Variants in GHSR observed in about 807,000 individuals in gnomAD.
The protein encoded by GHSR is growth hormone secretagogue receptor.
GHSR carries 17 observed loss-of-function variants against 24.0 expected under a neutral mutation model. The ratio of observed to expected loss-of-function variants is 0.71; its 90% confidence interval spans 0.49 to 1.06. The LOEUF (loss-of-function observed/expected upper bound fraction) is 1.06. Ranked by LOEUF, GHSR falls within the 50% of genes least tolerant of loss-of-function variation. GHSR has a pLI of 0.00. For missense variants in GHSR, 504 were observed against 483.1 expected (o/e 1.04, Z -0.41); for synonymous variants, 238 against 208.1 (o/e 1.14, Z -1.24).
Position 172,447,962 on chromosome 3 carries a change from G to A in GHSR, c.452C>T (p.Ala151Val). 1 of 1,614,036 alleles carries A rather than the reference G, an allele frequency of 6.2e-7. No individual in the cohort carries two copies. Among genetic ancestry groups the A allele is most frequent in the Non-Finnish European group, 8.5e-7 (1 of 1,179,878 alleles). Reference protein sequence around the residue: ...RYFAICFPLRAKVVVTKGRVK... With the variant: ...RYFAICFPLRVKVVVTKGRVK... ...CCGCCCCTTGGTGACCACCACCTTG[G>A]CCCGGAGTGGGAAGCAGATGGCGAA... The change falls in exon 1 of 2, where the codon GCC (alanine) becomes GTC (valine). Residue 151 changes from alanine to valine, a missense_variant. Ala to Val is a moderately conservative substitution (Grantham distance 64, BLOSUM62 0). Transcript: ENST00000241256.
Position 172,444,450 on chromosome 3 carries a change from G to T in GHSR, c.*711C>A, listed in dbSNP as rs904753614. Among the ~76,000 whole-genome samples, 3 of 152,108 alleles carry T rather than the reference G, an allele frequency of 2.0e-5. No individual in the cohort carries two copies. Among genetic ancestry groups the T allele is most frequent in the Non-Finnish European group, 2.9e-5 (2 of 68,000 alleles). ...ACTTTAATTAATTTTAAGTTTAAAG[G>T]TTTACCGTTGTTTCAGTTACTGGAA... On this transcript the variant is annotated 3_prime_UTR_variant, in exon 2 of 2. Transcript: ENST00000241256.
At position 172,447,938 on chromosome 3, in the gene GHSR, C is replaced by T. The variant is rs1333010825; in HGVS notation, c.476G>A (p.Arg159Gln). 1 of 1,613,066 alleles carries T rather than the reference C, an allele frequency of 6.2e-7. No individual in the cohort carries two copies. Among genetic ancestry groups the T allele is most frequent in the South Asian group, 1.1e-5 (1 of 91,076 alleles). The part of the protein sequence containing the change: ...LRAKVVVTKG[R>Q]VKLVIFVIWA... ...GATGACGAAGATGACCAGCTTCACC[C>T]GCCCCTTGGTGACCACCACCTTGGC... Residue 159 changes from arginine (R) to glutamine (Q), a missense_variant, in exon 1 of 2, where the codon CGG becomes CAG. Transcript: ENST00000241256.
rs773832932 is a variant in GHSR, at chr3:172,448,007, G to C, written c.407C>G (p.Ala136Gly). ...CTYATVLTITALSVERYFAIC... is the reference protein window; with the variant it reads ...CTYATVLTITGLSVERYFAIC... Reference sequence around the variant, plus strand: ...GGCGAAGTAGCGCTCGACGCTCAGCGCTGTGATGGTGAGCACCGTGGCGTA... The same window carrying C: ...GGCGAAGTAGCGCTCGACGCTCAGCCCTGTGATGGTGAGCACCGTGGCGTA... The change falls in exon 1 of 2, where the codon GCG becomes GGG. Residue 136 changes from alanine (A) to glycine (G), a missense_variant. Ala to Gly is a moderately conservative substitution (Grantham distance 60). Transcript: ENST00000241256. The surrounding 1 kb of genome is among the most constrained non-coding windows in gnomAD (Gnocchi z 4.8). 2 of 1,614,242 alleles carry C rather than the reference G, an allele frequency of 1.2e-6. No homozygotes were observed. The highest frequency in any genetic ancestry group is 4.5e-5 in the East Asian group (2 of 44,882).
In GHSR at chr3:172,448,358, A is replaced by T. The variant is rs138443343; in HGVS notation, c.56T>A (p.Leu19Gln). The T allele has an allele frequency of 3.7e-6, 6 of 1,601,452 alleles. No individual in the cohort carries two copies. Among genetic ancestry groups the T allele is most frequent in the Non-Finnish European group, 5.1e-6 (6 of 1,179,770 alleles). ...GTTGCCGGGGGAAGCATCCCAGTCCAGGTCGGCCAGTGTGAGGTTGAACCC... is the reference window on the plus strand; with the variant it reads ...GTTGCCGGGGGAAGCATCCCAGTCCTGGTCGGCCAGTGTGAGGTTGAACCC... ...EPGFNLTLADLDWDASPGNDS... is the reference protein window; with the variant it reads ...EPGFNLTLADQDWDASPGNDS... Residue 19 changes from leucine to glutamine, a missense_variant, in exon 1 of 2, where the codon CTG becomes CAG. By Grantham distance (113) the Leu-to-Gln change is moderately radical. Transcript: ENST00000241256. This position sits in a 1 kb window ranked among gnomAD's most constrained non-coding sequence, Gnocchi z 4.8.
chr3:172,448,261 C>T lies in GHSR; in HGVS notation c.153G>A (p.Val51=), dbSNP rs112095561. The stretch of plus-strand genomic sequence containing the variant: ...CAGCGATGCCCACCACGAAGAGTGC[C>T]ACGCAGGTGGCTGTGACGCCCGCCA... The part of the protein sequence containing the change: ...PLLAGVTATC[V]ALFVVGIAGN... Residue 51 remains valine, a synonymous_variant, in exon 1 of 2, where the codon GTG becomes GTA. Coordinates refer to ENST00000241256, the MANE Select transcript of GHSR (RefSeq NM_198407.2). The surrounding 1 kb of genome is among the most constrained non-coding windows in gnomAD (Gnocchi z 4.8). 3.1e-6 allele frequency: 5 copies of T among 1,613,552 alleles called. No homozygotes were observed. The highest frequency in any genetic ancestry group is 4.5e-5 in the East Asian group (2 of 44,876).
In GHSR at chr3:172,447,951, C is replaced by G; in HGVS notation, c.463G>C (p.Val155Leu). The G allele has an allele frequency of 6.2e-7, 1 of 1,613,656 alleles. No individual in the cohort carries two copies. The highest frequency in any genetic ancestry group is 8.5e-7 in the Non-Finnish European group (1 of 1,179,566). The part of the protein sequence containing the change: ...ICFPLRAKVV[V>L]TKGRVKLVIF... ...ACCAGCTTCACCCGCCCCTTGGTGA[C>G]CACCACCTTGGCCCGGAGTGGGAAG... is the stretch of plus-strand genomic sequence containing the variant. The change falls in exon 1 of 2, where the codon GTC (valine) becomes CTC (leucine). Residue 155 changes from valine to leucine, a missense_variant. Transcript: ENST00000241256.
At position 172,447,675 on chromosome 3, in the gene GHSR, C is replaced by T. The variant is rs1737500768; in HGVS notation, c.739G>A (p.Ala247Thr). The T allele has an allele frequency of 6.2e-7, 1 of 1,614,120 alleles. No homozygotes were observed. The highest frequency in any genetic ancestry group is 8.5e-7 in the Non-Finnish European group (1 of 1,180,028). ...RKLWRRRRGD[A>T]VVGASLRDQN... ...TCCCTGAGCGAGGCACCCACGACAGCATCGCCGCGCCTCCTCCGCCACAGC... is the reference window on the plus strand; with the variant it reads ...TCCCTGAGCGAGGCACCCACGACAGTATCGCCGCGCCTCCTCCGCCACAGC... Residue 247 changes from alanine to threonine, a missense_variant, in exon 1 of 2, where the codon GCT (alanine) becomes ACT (threonine). Ala to Thr is a moderately conservative substitution (Grantham distance 58). Transcript: ENST00000241256.
At chr3:172,446,184 C>T (rs1737459051) in intron 1 of GHSR, among the ~76,000 whole-genome samples, 2 of 151,974 alleles carry the variant, frequency 1.3e-5, no homozygotes, top group Non-Finnish European at 2.9e-5. Flanking sequence ...ATTTTTTAGT[C>T]GTTGTAACAC....
chr3:172,448,372 G>A lies in GHSR; in HGVS notation c.42C>T (p.Leu14=). Residue 14 remains leucine (L), a synonymous_variant, in exon 1 of 2, where the codon CTC becomes CTT. Coordinates refer to ENST00000241256, the MANE Select transcript of GHSR (RefSeq NM_198407.2). The surrounding 1 kb of genome is among the most constrained non-coding windows in gnomAD (Gnocchi z 4.8). ...ATPSEEPGFN[L]TLADLDWDAS... is the part of the protein sequence containing the mutation. Reference sequence around the variant, plus strand: ...CATCCCAGTCCAGGTCGGCCAGTGTGAGGTTGAACCCCGGCTCTTCGCTGG... The same window carrying A: ...CATCCCAGTCCAGGTCGGCCAGTGTAAGGTTGAACCCCGGCTCTTCGCTGG... The A allele has an allele frequency of 6.2e-7, 1 of 1,600,142 alleles. No homozygotes were observed. The highest frequency in any genetic ancestry group is 1.3e-5 in the African/African-American group (1 of 75,054).
In GHSR at chr3:172,447,849, C is replaced by G. The variant is rs1446594078; in HGVS notation, c.565G>C (p.Gly189Arg). ...FVLVGVEHEN[G>R]TDPWDTNECR... ...TCGTTGGTGTCCCAAGGGTCGGTGC[C>G]GTTCTCGTGCTCCACCCCGACTAGC... Residue 189 changes from glycine to arginine, a missense_variant, in exon 1 of 2, where the codon GGC (glycine) becomes CGC (arginine). By Grantham distance (125) the Gly-to-Arg change is moderately radical. Transcript: ENST00000241256. 6 of 1,613,826 alleles carry G rather than the reference C, an allele frequency of 3.7e-6. No individual in the cohort carries two copies. Among genetic ancestry groups the G allele is most frequent in the Non-Finnish European group, 5.1e-6 (6 of 1,180,030 alleles).
rs190654169 is a variant in GHSR at position 172,444,395 on chromosome 3, G to A, written c.*766C>T. On this transcript the variant is annotated 3_prime_UTR_variant, in exon 2 of 2. Transcript: ENST00000241256. ...TCGAGCTACTGGATACTTGAAATGT[G>A]ACTAGTGCAACTGAAGAACTGAATT... 6.6e-6 allele frequency among the ~76,000 whole-genome samples: 1 copy of A among 152,256 alleles called. No homozygotes were observed. Among genetic ancestry groups the A allele is most frequent in the African/African-American group, 2.4e-5 (1 of 41,544 alleles).
Position 172,445,156 on chromosome 3 carries a change from C to CTAGG in GHSR, c.*1_*4dup, listed in dbSNP as rs1354723205. The CTAGG allele has an allele frequency of 1.2e-6, 2 of 1,613,870 alleles. No individual in the cohort carries two copies. Among genetic ancestry groups the CTAGG allele is most frequent in the Admixed American group, 3.3e-5 (2 of 59,984 alleles). ...AAGCGGTGACTGTACTCGCAATGTG[C>CTAGG]TAGGTCATGTATTAATACTAGATTC... On this transcript the variant is annotated 3_prime_UTR_variant, in exon 2 of 2. Transcript: ENST00000241256.
chr3:172,445,303 G>T lies in GHSR; in HGVS notation c.959C>A (p.Pro320His), dbSNP rs868728152. 7.4e-6 allele frequency: 12 copies of T among 1,614,160 alleles called. No individual in the cohort carries two copies. The highest frequency in any genetic ancestry group is 1.0e-5 in the Non-Finnish European group (12 of 1,180,012). Residue 320 changes from proline (P) to histidine (H), a missense_variant, in exon 2 of 2, where the codon CCC (proline) becomes CAC (histidine). Coordinates refer to ENST00000241256, the MANE Select transcript of GHSR (RefSeq NM_198407.2). ...CTTGGACATGATGTTGTACAGAATG[G>T]GGTTGATGGCAGCACTGAGGTAGAA... ...VLFYLSAAIN[P>H]ILYNIMSKKY... is the part of the protein sequence containing the mutation.
Position 172,447,995 on chromosome 3 carries a change from T to C in GHSR, c.419A>G (p.Glu140Gly). ...TVLTITALSV[E>G]RYFAICFPLR... Reference sequence around the variant, plus strand: ...TGGGAAGCAGATGGCGAAGTAGCGCTCGACGCTCAGCGCTGTGATGGTGAG... The same window carrying C: ...TGGGAAGCAGATGGCGAAGTAGCGCCCGACGCTCAGCGCTGTGATGGTGAG... The change falls in exon 1 of 2, where the codon GAG (glutamate) becomes GGG (glycine). Residue 140 changes from glutamate (E) to glycine (G), a missense_variant. By Grantham distance (98) the Glu-to-Gly change is moderately conservative (BLOSUM62 -2). Coordinates refer to ENST00000241256, the MANE Select transcript of GHSR (RefSeq NM_198407.2). The C allele has an allele frequency of 6.2e-7, 1 of 1,614,176 alleles. No individual in the cohort carries two copies. The highest frequency in any genetic ancestry group is 8.5e-7 in the Non-Finnish European group (1 of 1,180,012).
Position 172,448,380 on chromosome 3 carries a change from A to G in GHSR, c.34T>C (p.Phe12Leu). 6.3e-7 allele frequency: 1 copy of G among 1,598,774 alleles called. No individual in the cohort carries two copies. Among genetic ancestry groups the G allele is most frequent in the Non-Finnish European group, 8.5e-7 (1 of 1,179,426 alleles). ...TCCAGGTCGGCCAGTGTGAGGTTGA[A>G]CCCCGGCTCTTCGCTGGGCGTCGCG... is the stretch of plus-strand genomic sequence containing the variant. ...WNATPSEEPGFNLTLADLDWD... is the reference protein window; with the variant it reads ...WNATPSEEPGLNLTLADLDWD... Residue 12 changes from phenylalanine (F) to leucine (L), a missense_variant, in exon 1 of 2, where the codon TTC (phenylalanine) becomes CTC (leucine). Coordinates refer to ENST00000241256, the MANE Select transcript of GHSR (RefSeq NM_198407.2). The surrounding 1 kb of genome is among the most constrained non-coding windows in gnomAD (Gnocchi z 4.8).
intron 1 of GHSR, 155 bp from the exon 2 acceptor site, chr3:172,445,620 A>T (rs1434550429): frequency 3.4e-6 from 1 of 295,766 alleles, no homozygotes; most frequent in African/African-American, 2.3e-5. Context: ...TTTAACAAAG[A>T]TTCAGTCTGT....
Position 172,447,881 on chromosome 3 carries a change from A to G in GHSR, c.533T>C (p.Ile178Thr), listed in dbSNP as rs1035352131. 15 of 1,613,364 alleles carry G rather than the reference A, an allele frequency of 9.3e-6. No homozygotes were observed. The highest frequency in any genetic ancestry group is 1.3e-5 in the African/African-American group (1 of 74,910). ...WAVAFCSAGPIFVLVGVEHEN... is the reference protein window; with the variant it reads ...WAVAFCSAGPTFVLVGVEHEN... ...GTGCTCCACCCCGACTAGCACGAAG[A>G]TGGGCCCGGCGCTGCAGAAGGCCAC... The change falls in exon 1 of 2, where the codon ATC becomes ACC. Residue 178 changes from isoleucine (I) to threonine (T), a missense_variant. Transcript: ENST00000241256.
Position 172,444,961 on chromosome 3 carries a change from A to G in GHSR, c.*200T>C, listed in dbSNP as rs1737422233. On this transcript the variant is annotated 3_prime_UTR_variant, in exon 2 of 2. Coordinates refer to ENST00000241256, the MANE Select transcript of GHSR (RefSeq NM_198407.2). ...TCATAGACAGTGAATATGCAGAAAT[A>G]GTGTATGAGAGCACTGATAATTGTG... 6.6e-6 allele frequency among the ~76,000 whole-genome samples: 1 copy of G among 152,216 alleles called. No individual in the cohort carries two copies. The highest frequency in any genetic ancestry group is 1.5e-5 in the Non-Finnish European group (1 of 68,046).
Position 172,445,024 on chromosome 3 carries a change from CT to C in GHSR, c.*136del, listed in dbSNP as rs992932072. On this transcript the variant is annotated 3_prime_UTR_variant, in exon 2 of 2. Transcript: ENST00000241256. ...ACTGCTCACACCCTACAAATGATAT[CT>C]TTTTTCCCTCCCAGATGTTTCTGGA... is the stretch of plus-strand genomic sequence containing the variant. 1.0e-6 allele frequency: 1 copy of C among 954,764 alleles called. No homozygotes were observed. Among genetic ancestry groups the C allele is most frequent in the Non-Finnish European group, 1.7e-6 (1 of 605,294 alleles). The allele number at this position is 954,764 out of a possible 1,614,324, so 59.1% of individuals were successfully genotyped here.
Sources: allele counts gnomAD v4.1 joint callset (sites outside exome capture counted in the v4.1 genomes callset), GRCh38; gene constraint gnomAD v4.1.1; non-coding constraint Gnocchi (gnomAD v3.1); transcripts MANE v1.5; gene names NCBI Gene and HGNC (gene_info 2026-07-23, HGNC 2026-07-21).